FKBP5: variants seen among roughly 807,000 people sequenced by gnomAD.
The protein encoded by FKBP5 is peptidyl-prolyl cis-trans isomerase FKBP5.
FKBP5 carries 23 observed loss-of-function variants against 50.5 expected under a neutral mutation model. That is an observed-to-expected ratio of 0.46 (90% CI 0.33 to 0.65). FKBP5 has a LOEUF of 0.65. Among genes scored for constraint, FKBP5 ranks in the 30% least tolerant of loss-of-function variants. The pLI, the probability that FKBP5 is intolerant of heterozygous loss-of-function variation, is 0.02. For missense variants in FKBP5, 411 were observed against 553.1 expected (o/e 0.74, Z 2.58); for synonymous variants, 176 against 190.6 (o/e 0.92, Z 0.63).
intron 8 of FKBP5, chr6:35,586,206 A>C (rs1762592762): frequency 1.0e-6 from 1 of 984,922 alleles, no homozygotes; most frequent in Non-Finnish European, 1.2e-6. Context: ...AAACAGAATG[A>C]AGGGCGGTTT....
Position 35,619,178 on chromosome 6 carries a change from T to C in FKBP5, c.426A>G (p.Leu142=). ...TCCGGATAATGCCTCCATCTTCAAA[T>C]AAATCCTCTCCTTTGAAATCAAGGA... ...IELLDFKGED[L]FEDGGIIRRT... The change falls in exon 5 of 11, where the codon TTA becomes TTG. Residue 142 remains leucine, a synonymous_variant. Transcript: ENST00000357266. 1 of 1,613,680 alleles carries C rather than the reference T, an allele frequency of 6.2e-7. No individual in the cohort carries two copies. The highest frequency in any genetic ancestry group is 8.5e-7 in the Non-Finnish European group (1 of 1,179,678).
At chr6:35,594,790 C>A (rs192917743) in intron 6 of FKBP5, among the ~76,000 whole-genome samples, 82 of 152,272 alleles carry the variant, frequency 5.4e-4, no homozygotes, top group Middle Eastern at 3.4e-3. Context: ...TCCAACATAC[C>A]AACACCTTGA....
intron 1 of FKBP5, among the ~76,000 whole-genome samples, chr6:35,674,983 C>G (rs1446334464): frequency 1.3e-5 from 2 of 152,160 alleles, no homozygotes; most frequent in Non-Finnish European, 2.9e-5. Flanking sequence ...TACTTAGAAC[C>G]TAGCAGAACT....
chr6:35,640,388 T>C (rs533178174), intron 2 of FKBP5, among the ~76,000 whole-genome samples: 15 of 152,104 alleles, frequency 9.9e-5, no homozygotes, highest in East Asian at 7.7e-4. Flanking sequence ...ATAAAAGGTA[T>C]ACAAGAAAAA....
chr6:35,601,913 G>A (rs147826515), intron 5 of FKBP5, among the ~76,000 whole-genome samples: 17 of 152,246 alleles, frequency 1.1e-4, no homozygotes, highest in African/African-American at 4.1e-4. Flanking sequence ...ACTTAAAGGG[G>A]GAGGGAGGTC....
rs1224768399 is a variant in FKBP5, at chr6:35,602,007, C to CA, written c.509-4604dup. Among the ~76,000 whole-genome samples, 12 of 152,276 alleles carry CA rather than the reference C, an allele frequency of 7.9e-5. No individual in the cohort carries two copies. The East Asian group carries it at 2.3e-3, about 29-fold the overall frequency. Reference sequence around the variant, plus strand: ...GAGTGTAACCACATCAAGCGAGCTGCAAAACATCACTTAAACTGGAGCTCT... The same window carrying CA: ...GAGTGTAACCACATCAAGCGAGCTGCAAAAACATCACTTAAACTGGAGCTCT... On this transcript the variant is annotated intron_variant, in intron 5 of 10. Transcript: ENST00000357266.
chr6:35,622,607 T>C (rs1470657210), intron 3 of FKBP5, among the ~76,000 whole-genome samples: 2 of 152,190 alleles, frequency 1.3e-5, no homozygotes, highest in Admixed American at 1.3e-4. Context: ...ATCTGCTCCT[T>C]ATAAGTAACT....
At chr6:35,636,737 C>G (rs958629105) in intron 3 of FKBP5, among the ~76,000 whole-genome samples, 2 of 152,092 alleles carry the variant, frequency 1.3e-5, no homozygotes, top group Non-Finnish European at 2.9e-5. Flanking sequence ...GTTAAGGAAC[C>G]AGCAGTTTTT....
chr6:35,616,314 CAAAAAA>C (rs34779549), intron 5 of FKBP5, among the ~76,000 whole-genome samples: 1 of 57,452 alleles, frequency 1.7e-5, no homozygotes, highest in South Asian at 8.7e-4. Flanking sequence ...GACTCCATCT[CAAAAAA>C]AAAAAAAAAA....
At position 35,688,352 on chromosome 6, in the gene FKBP5, C is replaced by T. The variant is rs7769449; in HGVS notation, c.-20+452G>A. Among the ~76,000 whole-genome samples the T allele has an allele frequency of 7.0e-3, 1,063 of 152,144 alleles. 11 individuals are homozygous for T. Among genetic ancestry groups the T allele is most frequent in the African/African-American group, 0.022 (916 of 41,556 alleles). ...CCGAAAGCGAAGTTTGGCTCCCGCC[C>T]GCAGCGGTGCCGGCTGAGGGTCCGG... On this transcript the variant is annotated intron_variant, in intron 1 of 10. Coordinates refer to ENST00000357266, the MANE Select transcript of FKBP5 (RefSeq NM_004117.4).
intron 5 of FKBP5, among the ~76,000 whole-genome samples, chr6:35,613,441 C>T (rs1763551997): frequency 6.6e-6 from 1 of 152,206 alleles, no homozygotes; most frequent in Non-Finnish European, 1.5e-5. Context: ...GTCTCAAATT[C>T]CTGACCTCAC....
chr6:35,714,463 A>AAG (rs1554139809), intron 2 of FKBP5, among the ~76,000 whole-genome samples: 1 of 148,208 alleles, frequency 6.7e-6, no homozygotes, highest in Non-Finnish European at 1.5e-5. Context: ...AAAAAAAAAA[A>AAG]AAAAGAAAAG....
At chr6:35,701,360 C>T (rs1766184767) in intron 2 of FKBP5, among the ~76,000 whole-genome samples, 1 of 149,870 alleles carries the variant, frequency 6.7e-6, no homozygotes, top group African/African-American at 2.4e-5. Flanking sequence ...TCTCCTGCCT[C>T]AGCCTCCCAA....
chr6:35,671,322 C>T (rs1483262684), intron 1 of FKBP5, among the ~76,000 whole-genome samples: 1 of 150,638 alleles, frequency 6.6e-6, no homozygotes, highest in Non-Finnish European at 1.5e-5. Context: ...AACTACAATC[C>T]AAACTGACAA....
At chr6:35,599,266 C>A (rs1312914630) in intron 5 of FKBP5, among the ~76,000 whole-genome samples, 1 of 152,134 alleles carries the variant, frequency 6.6e-6, no homozygotes, top group Non-Finnish European at 1.5e-5. Context: ...CTCTAAAATT[C>A]TATGATTCTA....
chr6:35,601,406 AC>A (rs372593577), intron 5 of FKBP5, among the ~76,000 whole-genome samples: 41 of 152,310 alleles, frequency 2.7e-4, no homozygotes, highest in African/African-American at 9.9e-4. Context: ...AACTTGGAAC[AC>A]TGATGTGAAA....
At chr6:35,603,909 T>C (rs748003425) in intron 5 of FKBP5, among the ~76,000 whole-genome samples, 4 of 152,076 alleles carry the variant, frequency 2.6e-5, no homozygotes, top group Non-Finnish European at 5.9e-5. Flanking sequence ...TTTCGCCATG[T>C]TGGCCAGGCT....
chr6:35,715,010 C>A (rs1348494902), intron 2 of FKBP5, among the ~76,000 whole-genome samples: 2 of 152,030 alleles, frequency 1.3e-5, no homozygotes, highest in East Asian at 1.9e-4. Context: ...TGGGTTCAAG[C>A]GATTCTCCTG....
chr6:35,580,439 GC>G, intron 8 of FKBP5: 1 of 429,590 alleles, frequency 2.3e-6, no homozygotes, highest in Non-Finnish European at 4.1e-6. Flanking sequence ...GCCTAGTGCT[GC>G]TCTGCAGCAT....
Sources: allele counts gnomAD v4.1 joint callset (sites outside exome capture counted in the v4.1 genomes callset), GRCh38; gene constraint gnomAD v4.1.1; transcripts MANE v1.5; gene names NCBI Gene and HGNC (gene_info 2026-07-23, HGNC 2026-07-21).